The following TPD52 variants were observed in gnomAD, a reference collection of about 807,000 sequenced individuals.
The protein encoded by TPD52 is tumor protein D52, also known as prostate and colon associated protein.
A neutral mutation model predicts 31.3 loss-of-function variants in TPD52; 17 were observed. That is an observed-to-expected ratio of 0.54 (90% CI 0.37 to 0.82). The LOEUF (loss-of-function observed/expected upper bound fraction) is 0.82. Ranked by LOEUF, TPD52 falls within the 40% of genes least tolerant of loss-of-function variation. TPD52 has a pLI of 0.00. For missense variants in TPD52, 212 were observed against 240.1 expected (o/e 0.88, Z 0.77); for synonymous variants, 83 against 89.6 (o/e 0.93, Z 0.42).
chr8:80,079,890 A>G (rs990382061), intron 1 of TPD52, among the ~76,000 whole-genome samples: 1 of 152,196 alleles, frequency 6.6e-6, no homozygotes, highest in Non-Finnish European at 1.5e-5. Flanking sequence ...AACAAAACCC[A>G]GGACAGTCAT....
chr8:80,084,963 C>T (rs1387196608), intron 1 of TPD52, among the ~76,000 whole-genome samples: 1 of 152,030 alleles, frequency 6.6e-6, no homozygotes, highest in Non-Finnish European at 1.5e-5. Context: ...CTAAAAAGAA[C>T]ATTCAGGTAA....
intron 7 of TPD52, among the ~76,000 whole-genome samples, chr8:80,039,182 G>A (rs1343476297): frequency 6.6e-6 from 1 of 152,058 alleles, no homozygotes; most frequent in Non-Finnish European, 1.5e-5. Flanking sequence ...AATTGTTTGG[G>A]AAATGCGAAT....
intron 1 of TPD52, among the ~76,000 whole-genome samples, chr8:80,107,025 G>T (rs945224313): frequency 2.6e-5 from 4 of 151,896 alleles, no homozygotes; most frequent in Admixed American, 6.6e-5. Flanking sequence ...CTAATTTTTT[G>T]TATTTTTAGT....
intron 1 of TPD52, among the ~76,000 whole-genome samples, chr8:80,159,563 A>C (rs1166053355): frequency 6.6e-6 from 1 of 152,194 alleles, no homozygotes; most frequent in Non-Finnish European, 1.5e-5. Flanking sequence ...TGTGCCCCTG[A>C]AAAAGTTATT....
chr8:80,108,951 T>A (rs1423138816), intron 1 of TPD52, among the ~76,000 whole-genome samples: 2 of 152,242 alleles, frequency 1.3e-5, no homozygotes, highest in African/African-American at 2.4e-5. Flanking sequence ...AGATTTTTTT[T>A]ATGGCAATAT....
chr8:80,064,692 T>C (rs1336632284), intron 1 of TPD52, 99 bp from the exon 2 acceptor site: 8 of 824,846 alleles, frequency 9.7e-6, no homozygotes, highest in Middle Eastern at 2.2e-4. Flanking sequence ...CCAATTAGAG[T>C]AGATCCACAC....
chr8:80,102,327 C>T (rs968005240), intron 1 of TPD52, among the ~76,000 whole-genome samples: 15 of 152,188 alleles, frequency 9.9e-5, no homozygotes, highest in Non-Finnish European at 1.3e-4. Flanking sequence ...CGATGTTGAC[C>T]TCTTTATGGA....
rs116526939 is a variant in TPD52 at position 80,097,876 on chromosome 8, C to A, written c.20-33283G>T. Among the ~76,000 whole-genome samples, 404 of 152,326 alleles carry A rather than the reference C, an allele frequency of 2.7e-3. 2 individuals carry two copies. The highest frequency in any genetic ancestry group is 9.3e-3 in the African/African-American group (388 of 41,582). ...GAGAAGTCAATGCCTGGCTTCAATG[C>A]TTCAATGGACAGGCTGACTCTCTTC... On this transcript the variant is annotated intron_variant, in intron 1 of 7. Transcript: ENST00000518937.
chr8:80,067,068 G>A (rs1234991095), intron 1 of TPD52: 1 of 152,036 alleles, frequency 6.6e-6, no homozygotes, highest in Non-Finnish European at 1.5e-5. Flanking sequence ...CTCAAACAAG[G>A]GGAGAAATAC....
rs561733336 is a variant in TPD52 at position 80,049,106 on chromosome 8, C to A, written c.413+1339G>T. Among the ~76,000 whole-genome samples the A allele has an allele frequency of 5.3e-5, 8 of 152,300 alleles. No individual in the cohort carries two copies. In the South Asian group the frequency reaches 1.7e-3, roughly 32 times the overall value. ...ATATGTACTGAAGAAACATCATCCTCAATAGCCCTTACTTTTATATCTTAC... is the reference window on the plus strand; with the variant it reads ...ATATGTACTGAAGAAACATCATCCTAAATAGCCCTTACTTTTATATCTTAC... On this transcript the variant is annotated intron_variant, in intron 5 of 7. Transcript: ENST00000518937.
intron 2 of TPD52, among the ~76,000 whole-genome samples, chr8:80,058,943 G>C (rs904411234): frequency 6.6e-6 from 1 of 152,140 alleles, no homozygotes; most frequent in Non-Finnish European, 1.5e-5. Flanking sequence ...GAGACGACTT[G>C]AACAATACCA....
rs1811350984 is a variant in TPD52 at position 80,051,220 on chromosome 8, A to G, written c.386+307T>C. The G allele has an allele frequency of 1.0e-5, 4 of 398,288 alleles. No individual in the cohort carries two copies. In the East Asian group the frequency reaches 2.2e-4, roughly 22 times the overall value. The allele number at this position is 398,288 out of a possible 1,614,324, so 24.7% of individuals were successfully genotyped here. ...TAGTAACACACCAGGCTCTGCCCAC[A>G]ATCACAAATTTGCAACCAAAGACAT... is the stretch of plus-strand genomic sequence containing the variant. On this transcript the variant is annotated intron_variant, in intron 4 of 7. Coordinates refer to ENST00000518937, the MANE Select transcript of TPD52 (RefSeq NM_001025253.3).
At chr8:80,136,381 G>A (rs12675981) in intron 1 of TPD52, among the ~76,000 whole-genome samples, 64,586 of 150,170 alleles carry the variant, frequency 0.43, 14,483 homozygotes, top group East Asian at 0.78. Flanking sequence ...AAAATTAGCC[G>A]GGCGTGGTGG....
chr8:80,141,820 G>T (rs541632375), intron 1 of TPD52, among the ~76,000 whole-genome samples: 50 of 152,118 alleles, frequency 3.3e-4, no homozygotes, highest in Admixed American at 2.2e-3. Context: ...TGAGGCAGGA[G>T]AATCACTTGA....
chr8:80,137,803 G>A (rs1809540496), intron 1 of TPD52, among the ~76,000 whole-genome samples: 1 of 152,134 alleles, frequency 6.6e-6, no homozygotes, highest in South Asian at 2.1e-4. Flanking sequence ...TTTCAGCAAG[G>A]TAGGGTGGCC....
chr8:80,038,210 G>A lies in TPD52; in HGVS notation c.530C>T (p.Ala177Val). 6.2e-7 allele frequency: 1 copy of A among 1,614,062 alleles called. No individual in the cohort carries two copies. Among genetic ancestry groups the A allele is most frequent in the Non-Finnish European group, 8.5e-7 (1 of 1,179,966 alleles). Reference sequence around the variant, plus strand: ...CAAGACTTCTCCAAAATCACCACCAGCAGGCTTGGTTCCCCCTACTTTAGA... The same window carrying A: ...CAAGACTTCTCCAAAATCACCACCAACAGGCTTGGTTCCCCCTACTTTAGA... ...LKSKVGGTKP[A>V]GGDFGEVLNS... Residue 177 changes from alanine to valine, a missense_variant, in exon 8 of 8, where the codon GCT becomes GTT. Ala to Val is a moderately conservative substitution (Grantham distance 64). Coordinates refer to ENST00000518937, the MANE Select transcript of TPD52 (RefSeq NM_001025253.3).
At chr8:80,083,213 A>C (rs1362343809) in intron 1 of TPD52, among the ~76,000 whole-genome samples, 1 of 151,964 alleles carries the variant, frequency 6.6e-6, no homozygotes, top group Non-Finnish European at 1.5e-5. Context: ...AACAGGATTT[A>C]TGAGTCATAC....
intron 1 of TPD52, among the ~76,000 whole-genome samples, chr8:80,093,290 A>ATGGTGAGTG (rs1488405592): frequency 6.6e-6 from 1 of 151,920 alleles, no homozygotes. Flanking sequence ...AGTGGTCTCT[A>ATGGTGAGTG]TGGTGAGATT....
At chr8:80,130,177 G>C (rs1808924492) in intron 1 of TPD52, among the ~76,000 whole-genome samples, 1 of 151,874 alleles carries the variant, frequency 6.6e-6, no homozygotes, top group Admixed American at 6.6e-5. Flanking sequence ...GGAAAGTTTT[G>C]CAAGTTTGGA....
Sources: allele counts gnomAD v4.1 joint callset (sites outside exome capture counted in the v4.1 genomes callset), GRCh38; gene constraint gnomAD v4.1.1; transcripts MANE v1.5; gene names NCBI Gene and HGNC (gene_info 2026-07-23, HGNC 2026-07-21).